Variants in MROH1 observed in about 807,000 individuals in gnomAD.
MROH1 encodes the protein maestro heat-like repeat-containing protein family member 1.
In MROH1, 117 loss-of-function variants were observed where a neutral mutation model predicts 116.5. That is an observed-to-expected ratio of 1.00 (90% CI 0.86 to 1.17). MROH1 has a LOEUF of 1.17. MROH1 is among the 50% of genes most tolerant of loss of function. MROH1 has a pLI of 0.00. For missense variants in MROH1, 1,873 were observed against 1,338.5 expected, an observed-to-expected ratio of 1.40 and a Z score of -6.23; for synonymous variants, 921 against 583.9, an observed-to-expected ratio of 1.58 and a Z score of -8.32.
At chr8:144,158,079 G>GC (rs1818619127) in intron 1 of MROH1, among the ~76,000 whole-genome samples, 1 of 140,316 alleles carries the variant, frequency 7.1e-6, no homozygotes, top group Admixed American at 7.7e-5. Context: ...TGCAAACTCC[G>GC]CCCCCTGGGT....
At chr8:144,204,936 T>G (rs7841208) in intron 12 of MROH1, among the ~76,000 whole-genome samples, 15,299 of 152,248 alleles carry the variant, frequency 0.1, 1,625 homozygotes, top group African/African-American at 0.27. Context: ...AGATAAACCC[T>G]TCTGTTTTTC....
Position 144,242,351 on chromosome 8 carries a change from G to A in MROH1, c.2179-18G>A, listed in dbSNP as rs935973219. 143 of 780,688 alleles carry A rather than the reference G, an allele frequency of 1.8e-4. No individual in the cohort carries two copies. The East Asian group carries it at 2.9e-3, about 16-fold the overall frequency. 48.4% of individuals were successfully genotyped at this position (780,688 alleles called of 1,614,324 possible). A position where few individuals can be genotyped will look rare whatever the true frequency, so the allele number is the denominator to read the frequency against. On this transcript the variant is annotated intron_variant, in intron 22 of 43. Coordinates refer to ENST00000326134, the MANE Select transcript of MROH1 (RefSeq NM_032450.3). ...TAATTGTGTAACTGAAGTCCCGCTG[G>A]TTCCTCTGGCCTCTCAGGATCGAAG...
chr8:144,259,910 G>T lies in MROH1; in HGVS notation c.4045-1G>T. ...GGAAGTCACAGCACCTCTGCCTGCA[G>T]CTGCTGAACAGCAACGTGGCCAACG... is the stretch of plus-strand genomic sequence containing the variant. On this transcript the variant is annotated splice_acceptor_variant, in intron 37 of 43. Coordinates refer to ENST00000326134, the MANE Select transcript of MROH1 (RefSeq NM_032450.3). LOFTEE classifies it high-confidence loss of function. 1.4e-6 allele frequency: 1 copy of T among 735,492 alleles called. No homozygotes were observed. 45.6% of individuals were successfully genotyped at this position (735,492 alleles called of 1,614,324 possible). A position where few individuals can be genotyped will look rare whatever the true frequency, so the allele number is the denominator to read the frequency against.
rs782562334 is a variant in MROH1, at chr8:144,255,604, C to G, written c.3690C>G (p.Arg1230=). ...AGCTGTTTGTGGTGCTTCTGCTGCG[C>G]GTCAGCTGCACCGTGGGTGTCCAGC... ...YPQLFVVLLL[R]VSCTVGVQLP... Residue 1230 remains arginine (R), a synonymous_variant, in exon 35 of 44, where the codon CGC becomes CGG. Transcript: ENST00000326134. 1 of 778,618 alleles carries G rather than the reference C, an allele frequency of 1.3e-6. No individual in the cohort carries two copies. 48.2% of individuals were successfully genotyped at this position (778,618 alleles called of 1,614,324 possible).
intron 14 of MROH1, among the ~76,000 whole-genome samples, chr8:144,237,903 T>C (rs1840320719): frequency 6.6e-6 from 1 of 152,198 alleles, no homozygotes; most frequent in African/African-American, 2.4e-5. Context: ...TTATCAGGTA[T>C]TTTGCAGTTT....
rs1844420431 is a variant in MROH1, at chr8:144,258,829, G to A, written c.3844G>A (p.Val1282Met). The change falls in exon 36 of 44, where the codon GTG becomes ATG. Residue 1282 changes from valine (V) to methionine (M), a missense_variant. Transcript: ENST00000326134. ...GCTACTCCGCAGCGGCAGCGAGGAT[G>A]TGGTACAGCGCATGGACCTGGAGGG... ...SMLLRSGSED[V>M]VQRMDLEGGW... 2 of 769,556 alleles carry A rather than the reference G, an allele frequency of 2.6e-6. No individual in the cohort carries two copies. Among genetic ancestry groups the A allele is most frequent in the East Asian group, 2.4e-5 (1 of 40,896 alleles). The allele number at this position is 769,556 out of a possible 1,614,324, so 47.7% of individuals were successfully genotyped here.
chr8:144,166,658 T>C (rs1457734874), intron 3 of MROH1, among the ~76,000 whole-genome samples: 1 of 148,706 alleles, frequency 6.7e-6, no homozygotes, highest in African/African-American at 2.5e-5. Context: ...ACTGGGGTGT[T>C]GATGGGTGGA....
At chr8:144,187,096 C>CAA (rs142746653) in intron 7 of MROH1, among the ~76,000 whole-genome samples, 3 of 117,988 alleles carry the variant, frequency 2.5e-5, no homozygotes, top group African/African-American at 2.9e-5. Context: ...AGACTGTCTC[C>CAA]AAAAAAAAAA....
At chr8:144,237,680 C>A (rs1840279146) in intron 14 of MROH1, among the ~76,000 whole-genome samples, 1 of 152,214 alleles carries the variant, frequency 6.6e-6, no homozygotes, top group Non-Finnish European at 1.5e-5. Context: ...TGAATCGTTA[C>A]ATTATTCGTT....
At chr8:144,194,343 G>A (rs995795676) in intron 10 of MROH1, among the ~76,000 whole-genome samples, 13 of 152,306 alleles carry the variant, frequency 8.5e-5, no homozygotes, top group Middle Eastern at 3.4e-3. Context: ...GATTACAGGC[G>A]TGAGCCACTG....
rs781272083 is a variant in MROH1, at chr8:144,168,259, G to A, written c.23-36G>A. On this transcript the variant is annotated intron_variant, in intron 3 of 43. Transcript: ENST00000326134. ...CGAGGTGTGATAGGAGAGGGCGCTT[G>A]GGCCTGAGCATGCTAACCAGGCTTT... The A allele has an allele frequency of 7.1e-6, 11 of 1,543,164 alleles. No individual in the cohort carries two copies. The Admixed American group carries it at 9.6e-5, about 14-fold the overall frequency.
At chr8:144,187,992 T>A (rs911476857) in intron 7 of MROH1, among the ~76,000 whole-genome samples, 4 of 152,108 alleles carry the variant, frequency 2.6e-5, no homozygotes, top group Admixed American at 6.6e-5. Flanking sequence ...AGGAGGGGTT[T>A]GTGGCGAGAA....
Position 144,196,271 on chromosome 8 carries a change from CAG to C in MROH1, c.949-2848_949-2847del, listed in dbSNP as rs1329378049. On this transcript the variant is annotated intron_variant, in intron 10 of 43. Coordinates refer to ENST00000326134, the MANE Select transcript of MROH1 (RefSeq NM_032450.3). ...CGCCACCTCATTCCAGCCCGGGTGA[CAG>C]AGTGAGATTCCGTCTCCAAAAAAAA... 7.0e-5 allele frequency among the ~76,000 whole-genome samples: 10 copies of C among 143,424 alleles called. No individual in the cohort carries two copies. In the East Asian group the frequency reaches 2.1e-3, roughly 31 times the overall value. 94.1% of individuals were successfully genotyped at this position (143,424 alleles called of 152,430 possible).
chr8:144,261,451 C>T (rs1178706421), intron 43 of MROH1, 102 bp downstream of exon 43: 1 of 698,868 alleles, frequency 1.4e-6, no homozygotes, highest in Non-Finnish European at 2.6e-6. Context: ...TTTTCCCTGT[C>T]ACTGGTGACC....
At chr8:144,234,455 C>G (rs1055751595) in intron 14 of MROH1, among the ~76,000 whole-genome samples, 1 of 98,212 alleles carries the variant, frequency 1.0e-5, no homozygotes. Flanking sequence ...ATATTTTACT[C>G]TTTTTGATGC....
At chr8:144,202,611 T>C (rs1392846354) in intron 12 of MROH1, among the ~76,000 whole-genome samples, 6 of 29,276 alleles carry the variant, frequency 2.0e-4, no homozygotes, top group Admixed American at 4.5e-4. Flanking sequence ...AAGCGCAGGC[T>C]CTCTGTGGAG....
intron 10 of MROH1, 60 bp from the exon 11 acceptor site, chr8:144,199,062 G>A: frequency 6.6e-7 from 1 of 1,524,712 alleles, no homozygotes; most frequent in South Asian, 1.2e-5. Flanking sequence ...ATTGTCAGAG[G>A]GCGGGAATCC....
chr8:144,206,640 C>T (rs1832872771), intron 12 of MROH1, among the ~76,000 whole-genome samples: 2 of 151,246 alleles, frequency 1.3e-5, no homozygotes, highest in African/African-American at 4.8e-5. Flanking sequence ...CCAGGCTGGT[C>T]TCGAACTCCT....
intron 7 of MROH1, among the ~76,000 whole-genome samples, chr8:144,187,129 G>A (rs1827396312): frequency 6.6e-6 from 1 of 151,746 alleles, no homozygotes; most frequent in Non-Finnish European, 1.5e-5. Flanking sequence ...ACAAAACTCA[G>A]GCCGGGCATG....
Sources: allele counts gnomAD v4.1 joint callset (sites outside exome capture counted in the v4.1 genomes callset), GRCh38; gene constraint gnomAD v4.1.1; transcripts MANE v1.5; gene names NCBI Gene and HGNC (gene_info 2026-07-23, HGNC 2026-07-21).